TKFC: variants seen among roughly 807,000 people sequenced by gnomAD.
The protein encoded by TKFC is triokinase and FMN cyclase.
Under a neutral mutation model 61.0 loss-of-function variants are expected in TKFC, and 46 were observed. That is an observed-to-expected ratio of 0.75 (90% CI 0.60 to 0.96). The LOEUF (loss-of-function observed/expected upper bound fraction) is 0.96. Ranked by LOEUF, TKFC falls within the 50% of genes least tolerant of loss-of-function variation. TKFC has a pLI of 0.00. For missense variants in TKFC, 715 were observed against 777.5 expected, an observed-to-expected ratio of 0.92 and a Z score of 0.96; for synonymous variants, 314 against 330.1, an observed-to-expected ratio of 0.95 and a Z score of 0.53.
downstream of TKFC, chr11:61,353,209 C>T: frequency 6.6e-7 from 1 of 1,505,792 alleles, no homozygotes; most frequent in Admixed American, 2.3e-5. Context: ...CCCATCAGTG[C>T]CTCCTCCCCA....
intron 4 of TKFC, 28 bp from the exon 5 acceptor site, chr11:61,339,226 C>T (rs1856747762): frequency 6.2e-7 from 1 of 1,611,662 alleles, no homozygotes; most frequent in South Asian, 1.1e-5. Flanking sequence ...ACAGTAAGCA[C>T]ACTGAGCCCT....
intron 5 of TKFC, 123 bp downstream of exon 5, chr11:61,339,558 TC>T (rs1856770716): frequency 8.7e-7 from 1 of 1,154,202 alleles, no homozygotes; most frequent in Non-Finnish European, 1.2e-6. Context: ...TCTCCAGTGT[TC>T]CCTGATCTCA....
At chr11:61,337,470 G>A (rs1396994331) in intron 2 of TKFC, among the ~76,000 whole-genome samples, 1 of 152,202 alleles carries the variant, frequency 6.6e-6, no homozygotes. Flanking sequence ...ATAGTGTCTA[G>A]TGCTGGGCCT....
chr11:61,343,275 T>G, intron 10 of TKFC, 67 bp from the exon 11 acceptor site: 1 of 1,476,898 alleles, frequency 6.8e-7, no homozygotes, highest in Non-Finnish European at 9.4e-7. Flanking sequence ...AGGTCCTTGC[T>G]TTTCTGTTGT....
chr11:61,342,289 A>T, intron 7 of TKFC, 172 bp from the exon 8 acceptor site: 1 of 833,854 alleles, frequency 1.2e-6, no homozygotes, highest in East Asian at 2.5e-5. Flanking sequence ...CTCCACCACC[A>T]GGCCACAAGC....
intron 3 of TKFC, 30 bp downstream of exon 3, chr11:61,338,160 C>A: frequency 6.5e-7 from 1 of 1,536,428 alleles, no homozygotes; most frequent in Non-Finnish European, 8.7e-7. Context: ...GCAGGGGGTA[C>A]TAGTGGAGTG....
chr11:61,350,325 C>CTGGG, downstream of TKFC: 2 of 1,567,838 alleles, frequency 1.3e-6, no homozygotes, highest in Non-Finnish European at 8.7e-7. Flanking sequence ...GCCGGGAGCC[C>CTGGG]TGGGAAGAGC....
In TKFC at chr11:61,346,312, G is replaced by A. The variant is rs1370614009; in HGVS notation, c.1576-39G>A. On this transcript the variant is annotated intron_variant, in intron 17 of 17. Coordinates refer to ENST00000394900, the MANE Select transcript of TKFC (RefSeq NM_015533.4). This position sits in a 1 kb window ranked among gnomAD's most constrained non-coding sequence, Gnocchi z 4.1. ...CATGGCAGGAAGGAGGCGGCCTGGT[G>A]ATCTGCCCTTGAACCTGCTCCCACA... 1 of 1,610,112 alleles carries A rather than the reference G, an allele frequency of 6.2e-7. No homozygotes were observed. Among genetic ancestry groups the A allele is most frequent in the Non-Finnish European group, 8.5e-7 (1 of 1,179,920 alleles).
In TKFC at chr11:61,345,445, G is replaced by A. The variant is rs373653330; in HGVS notation, c.1348-17G>A. ...TCCAGGCCAGCACCACATGCTCAGC[G>A]TTGTCATCTTCCCCAGCTCTATGGC... On this transcript the variant is annotated splice_polypyrimidine_tract_variant and intron_variant, in intron 14 of 17. Transcript: ENST00000394900. The A allele has an allele frequency of 1.7e-4, 270 of 1,611,086 alleles. No individual in the cohort carries two copies. Among genetic ancestry groups the A allele is most frequent in the Middle Eastern group, 1.3e-3 (8 of 6,074 alleles).
At chr11:61,341,710 T>G (rs1856861629) in intron 6 of TKFC, 113 bp from the exon 7 acceptor site, 2 of 1,295,462 alleles carry the variant, frequency 1.5e-6, no homozygotes, top group Non-Finnish European at 2.2e-6. Flanking sequence ...CTGGCAGCCT[T>G]TCTCAGAGAA....
At chr11:61,343,692 C>A in intron 11 of TKFC, 164 bp from the exon 12 acceptor site, 1 of 1,098,434 alleles carries the variant, frequency 9.1e-7, no homozygotes, top group Non-Finnish European at 1.3e-6. Context: ...TCTCTCCATA[C>A]CCCTGTATAC....
intron 5 of TKFC, among the ~76,000 whole-genome samples, chr11:61,340,287 C>T (rs566670797): frequency 6.7e-6 from 1 of 149,654 alleles, no homozygotes; most frequent in African/African-American, 2.5e-5. Flanking sequence ...GCTGGGATGA[C>T]GAGCGTGAGC....
At chr11:61,338,427 G>A (rs987509455) in intron 3 of TKFC, among the ~76,000 whole-genome samples, 5 of 152,104 alleles carry the variant, frequency 3.3e-5, no homozygotes, top group East Asian at 1.9e-4. Flanking sequence ...GACCCACCCC[G>A]ATTCCATGAA....
chr11:61,339,834 A>G (rs1182320934), intron 5 of TKFC, among the ~76,000 whole-genome samples: 1 of 151,644 alleles, frequency 6.6e-6, no homozygotes, highest in Non-Finnish European at 1.5e-5. Flanking sequence ...CATTCTCCAC[A>G]CTACTGCCAG....
Position 61,342,675 on chromosome 11 carries a change from C to T in TKFC, c.775+17C>T. 6.2e-7 allele frequency: 1 copy of T among 1,613,932 alleles called. No homozygotes were observed. The highest frequency in any genetic ancestry group is 8.5e-7 in the Non-Finnish European group (1 of 1,179,980). On this transcript the variant is annotated intron_variant, in intron 9 of 17. Coordinates refer to ENST00000394900, the MANE Select transcript of TKFC (RefSeq NM_015533.4). ...TGCAGCCCGGTGGGTAGCCTCTCGC[C>T]CGCGTCTCCCAACCCCTCCTAAACC...
rs1422729315 is a variant in TKFC, at chr11:61,345,840, T to C, written c.1486-17T>C. ...TGCAGGGCCCGTGCTCAGCCCCCTT[T>C]CCTTCACCTTGTCCAGCTGGATTCT... On this transcript the variant is annotated splice_polypyrimidine_tract_variant and intron_variant, in intron 16 of 17. Coordinates refer to ENST00000394900, the MANE Select transcript of TKFC (RefSeq NM_015533.4). The C allele has an allele frequency of 1.9e-6, 3 of 1,613,930 alleles. No homozygotes were observed. Among genetic ancestry groups the C allele is most frequent in the Non-Finnish European group, 2.5e-6 (3 of 1,180,012 alleles).
downstream of TKFC, chr11:61,353,102 GC>G: frequency 1.9e-6 from 3 of 1,613,024 alleles, no homozygotes; most frequent in Non-Finnish European, 2.5e-6. Flanking sequence ...CCACATGGAC[GC>G]CCAGGGCAGG....
intron 5 of TKFC, among the ~76,000 whole-genome samples, chr11:61,341,054 G>A (rs993192852): frequency 6.6e-6 from 1 of 151,976 alleles, no homozygotes; most frequent in Non-Finnish European, 1.5e-5. Flanking sequence ...TAAAAATTGG[G>A]TGGATGGATG....
At chr11:61,350,355 C>G, downstream of TKFC, 1 of 1,599,160 alleles carries the variant, frequency 6.3e-7, no homozygotes, top group Non-Finnish European at 8.5e-7. Context: ...GAGGGGAGCA[C>G]AGGCTGCACC....
Sources: gnomAD v4.1 joint callset for allele counts (sites outside exome capture counted in the v4.1 genomes callset) on GRCh38, gnomAD v4.1.1 for gene constraint, Gnocchi (gnomAD v3.1) non-coding constraint, MANE v1.5 for transcripts, NCBI Gene and HGNC (gene_info 2026-07-23, HGNC 2026-07-21) for gene names.